Variants in ZNF827 observed in about 807,000 individuals in gnomAD.
The protein encoded by ZNF827 is zinc finger protein 827.
ZNF827 carries 13 observed loss-of-function variants against 102.4 expected under a neutral mutation model. That is an observed-to-expected ratio of 0.13 (90% CI 0.08 to 0.20). ZNF827 has a LOEUF of 0.20. Among genes scored for constraint, ZNF827 ranks in the 10% least tolerant of loss-of-function variants. The pLI is 1.00. For synonymous variants in ZNF827, 523 were observed against 536.2 expected (o/e 0.98, Z 0.34); for missense variants, 1,103 against 1,344.4 (o/e 0.82, Z 2.81).
At chr4:145,924,503 G>A (rs1753287491) in intron 1 of ZNF827, among the ~76,000 whole-genome samples, 1 of 152,150 alleles carries the variant, frequency 6.6e-6, no homozygotes, top group Non-Finnish European at 1.5e-5. Context: ...GGGGTAAGAG[G>A]GGAGGGCAAG....
intron 1 of ZNF827, among the ~76,000 whole-genome samples, chr4:145,910,657 A>C (rs1752218031): frequency 1.3e-5 from 2 of 152,188 alleles, no homozygotes; most frequent in Admixed American, 1.3e-4. Flanking sequence ...CTCAACCAGC[A>C]GCCAAAGTAA....
At chr4:145,896,090 C>T (rs1012762638) in intron 2 of ZNF827, among the ~76,000 whole-genome samples, 14 of 152,200 alleles carry the variant, frequency 9.2e-5, no homozygotes, top group Non-Finnish European at 1.3e-4. Flanking sequence ...TTGGAATAAA[C>T]GAAATAATGA....
At chr4:145,785,239 G>A (rs1738680947) in intron 8 of ZNF827, among the ~76,000 whole-genome samples, 1 of 152,130 alleles carries the variant, frequency 6.6e-6, no homozygotes, top group Non-Finnish European at 1.5e-5. Context: ...CCATAATGAT[G>A]AGGACTAGTT....
At chr4:145,931,766 G>A (rs1405385217) in intron 1 of ZNF827, among the ~76,000 whole-genome samples, 1 of 152,322 alleles carries the variant, frequency 6.6e-6, no homozygotes, top group Admixed American at 6.5e-5. Flanking sequence ...GGGGACAAAG[G>A]ATATATTAAC....
chr4:145,921,306 T>C (rs1579575265), intron 1 of ZNF827, among the ~76,000 whole-genome samples: 1 of 152,144 alleles, frequency 6.6e-6, no homozygotes, highest in South Asian at 2.1e-4. Flanking sequence ...ATTTGCTTCT[T>C]GGCAAAGTCT....
Position 145,868,131 on chromosome 4 carries a change from T to C in ZNF827, c.1981+2114A>G, listed in dbSNP as rs542436673. 2.4e-4 allele frequency among the ~76,000 whole-genome samples: 37 copies of C among 152,342 alleles called. No individual in the cohort carries two copies. The South Asian group carries it at 7.5e-3, about 31-fold the overall frequency. ...CTTGTGGCTTAGGAATGAAATGATATTTGCTTTTAAGTCACATGCCTATTG... is the reference window on the plus strand; with the variant it reads ...CTTGTGGCTTAGGAATGAAATGATACTTGCTTTTAAGTCACATGCCTATTG... On this transcript the variant is annotated intron_variant, in intron 5 of 14. Transcript: ENST00000508784.
At chr4:145,936,461 G>T (rs1189348462) in intron 1 of ZNF827, among the ~76,000 whole-genome samples, 5 of 151,904 alleles carry the variant, frequency 3.3e-5, no homozygotes, top group Admixed American at 6.5e-5. Context: ...TTTTTTAAAG[G>T]AAGGGGAAAA....
rs1230180226 is a variant in ZNF827, at chr4:145,759,344, C to T, written c.*2272G>A. ...ATTAGCAAAGAGCTTTACAACCAAC[C>T]CACACCTGCTTCCTGCTGCAATAAA... On this transcript the variant is annotated 3_prime_UTR_variant, in exon 15 of 15. Coordinates refer to ENST00000508784, the MANE Select transcript of ZNF827 (RefSeq NM_001306215.2). The T allele has an allele frequency of 6.6e-6, 1 of 152,154 alleles. No individual in the cohort carries two copies. Among genetic ancestry groups the T allele is most frequent in the African/African-American group, 2.4e-5 (1 of 41,416 alleles). 9.4% of individuals were successfully genotyped at this position (152,154 alleles called of 1,614,324 possible). A position where few individuals can be genotyped will look rare whatever the true frequency, so the allele number is the denominator to read the frequency against.
chr4:145,761,144 C>T lies in ZNF827; in HGVS notation c.*472G>A, dbSNP rs912794194. On this transcript the variant is annotated 3_prime_UTR_variant, in exon 15 of 15. Transcript: ENST00000508784. The surrounding 1 kb of genome is among the most constrained non-coding windows in gnomAD (Gnocchi z 6.8). ...AGCGGGGCCCCCGGGCCGGCCGGTT[C>T]CTTGGGGGCTGGACACAGGCCCTTC... 5 of 1,289,798 alleles carry T rather than the reference C, an allele frequency of 3.9e-6. No homozygotes were observed. The highest frequency in any genetic ancestry group is 5.1e-6 in the Non-Finnish European group (5 of 988,824). The allele number at this position is 1,289,798 out of a possible 1,614,324, so 79.9% of individuals were successfully genotyped here. A position where few individuals can be genotyped will look rare whatever the true frequency, so the allele number is the denominator to read the frequency against.
intron 7 of ZNF827, among the ~76,000 whole-genome samples, chr4:145,843,224 GA>G (rs56080563): frequency 3.5e-4 from 50 of 142,820 alleles, no homozygotes; most frequent in South Asian, 3.4e-3. Context: ...CTACTCAAAG[GA>G]AAAAAAAAAA....
chr4:145,827,964 G>C (rs568830043), intron 7 of ZNF827, among the ~76,000 whole-genome samples: 2 of 152,156 alleles, frequency 1.3e-5, no homozygotes, highest in Non-Finnish European at 2.9e-5. Flanking sequence ...CCAGCTTTGC[G>C]GTGGAAAAAG....
intron 1 of ZNF827, among the ~76,000 whole-genome samples, chr4:145,913,425 C>CAA (rs775706430): frequency 0.47 from 33,862 of 72,710 alleles, 7,595 homozygotes; most frequent in South Asian, 0.6. Flanking sequence ...GACCCTGTCT[C>CAA]AAAAAAAAAA....
chr4:145,797,462 T>A (rs1740493237), intron 8 of ZNF827, among the ~76,000 whole-genome samples: 1 of 152,202 alleles, frequency 6.6e-6, no homozygotes, highest in Non-Finnish European at 1.5e-5. Flanking sequence ...ACCTGGTCAC[T>A]CACATGAGTC....
chr4:145,797,054 G>A (rs11733646), intron 8 of ZNF827, among the ~76,000 whole-genome samples: 54,495 of 152,112 alleles, frequency 0.36, 11,262 homozygotes, highest in Non-Finnish European at 0.49. Flanking sequence ...TAATGTGGGC[G>A]GTCGGGGGGC....
chr4:145,880,228 C>T (rs1163433719), intron 4 of ZNF827, among the ~76,000 whole-genome samples: 2 of 152,178 alleles, frequency 1.3e-5, no homozygotes, highest in African/African-American at 2.4e-5. Flanking sequence ...AGCCAGACTC[C>T]GTCTAAAAAA....
At chr4:145,786,520 G>T (rs1459226360) in intron 8 of ZNF827, among the ~76,000 whole-genome samples, 1 of 152,190 alleles carries the variant, frequency 6.6e-6, no homozygotes, top group African/African-American at 2.4e-5. Flanking sequence ...CATGATCAAG[G>T]CTGGAATGTT....
chr4:145,849,573 T>C lies in ZNF827; in HGVS notation c.1982-12A>G, dbSNP rs1746323737. 2 of 1,612,618 alleles carry C rather than the reference T, an allele frequency of 1.2e-6. No homozygotes were observed. The highest frequency in any genetic ancestry group is 8.5e-7 in the Non-Finnish European group (1 of 1,178,918). Reference sequence around the variant, plus strand: ...CTTGTAGCTTTCCGCTGCAAGTAGGTGAATGAAGAGAAACAAAAACACCAC... The same window carrying C: ...CTTGTAGCTTTCCGCTGCAAGTAGGCGAATGAAGAGAAACAAAAACACCAC... On this transcript the variant is annotated splice_polypyrimidine_tract_variant and intron_variant, in intron 5 of 14. Coordinates refer to ENST00000508784, the MANE Select transcript of ZNF827 (RefSeq NM_001306215.2).
Position 145,761,729 on chromosome 4 carries a change from A to T in ZNF827, c.*18-131T>A. 1 of 500,550 alleles carries T rather than the reference A, an allele frequency of 2.0e-6. No homozygotes were observed. The highest frequency in any genetic ancestry group is 3.2e-6 in the Non-Finnish European group (1 of 312,466). The allele number at this position is 500,550 out of a possible 1,614,324, so 31.0% of individuals were successfully genotyped here. A position where few individuals can be genotyped will look rare whatever the true frequency, so the allele number is the denominator to read the frequency against. On this transcript the variant is annotated intron_variant, in intron 14 of 14. Transcript: ENST00000508784. This position sits in a 1 kb window ranked among gnomAD's most constrained non-coding sequence, Gnocchi z 6.8. ...AGGCCTGGCCTGCCCAGCCCAGCCC[A>T]GCCCTGCCGCCTCTCAGGGGTGGAA...
intron 3 of ZNF827, among the ~76,000 whole-genome samples, chr4:145,890,631 A>C (rs980269473): frequency 1.3e-5 from 2 of 152,212 alleles, no homozygotes; most frequent in African/African-American, 4.8e-5. Context: ...ATTTCTAAAC[A>C]CAGCTTAGGA....
Sources: gnomAD v4.1 joint callset for allele counts (sites outside exome capture counted in the v4.1 genomes callset) on GRCh38, gnomAD v4.1.1 for gene constraint, Gnocchi (gnomAD v3.1) non-coding constraint, MANE v1.5 for transcripts, NCBI Gene and HGNC (gene_info 2026-07-23, HGNC 2026-07-21) for gene names.